Variants in MLLT3 observed in about 807,000 individuals in gnomAD.
The protein encoded by MLLT3 is MLLT3 super elongation complex subunit.
Under a neutral mutation model 53.2 loss-of-function variants are expected in MLLT3, and 4 were observed. The ratio of observed to expected loss-of-function variants is 0.08; its 90% CI spans 0.04 to 0.17. MLLT3 has a LOEUF of 0.17. MLLT3 is among the 10% of genes least tolerant of loss of function. The probability of loss-of-function intolerance (pLI) is 1.00; values close to 1 mark genes in which losing one functional copy is unlikely to be tolerated. For synonymous variants in MLLT3, 283 were observed against 230.6 expected (o/e 1.23, Z -2.06); for missense variants, 569 against 684.0 (o/e 0.83, Z 1.87).
intron 4 of MLLT3, among the ~76,000 whole-genome samples, chr9:20,445,990 T>C (rs1027365580): frequency 5.3e-5 from 8 of 152,348 alleles, no homozygotes; most frequent in African/African-American, 1.7e-4. Flanking sequence ...TAAAGCCAGG[T>C]ATCAATAATA....
intron 2 of MLLT3, among the ~76,000 whole-genome samples, chr9:20,547,015 G>C (rs1818805880): frequency 6.6e-6 from 1 of 152,200 alleles, no homozygotes; most frequent in Non-Finnish European, 1.5e-5. Flanking sequence ...CCCATGTCTT[G>C]TTTGCTGGCT....
rs10601830 is a variant in MLLT3 at position 20,615,360 on chromosome 9, G to GAAAAAAAAAAAAAAAAAAAAA, written c.193+5273_193+5293dup. On this transcript the variant is annotated intron_variant, in intron 2 of 10. Coordinates refer to ENST00000380338, the MANE Select transcript of MLLT3 (RefSeq NM_004529.4). ...CCTGGGTGACAGGGCCAGACCATGTGAAAAAAAAAAAAAAAAAAAAAAAAA... is the reference window on the plus strand; with the variant it reads ...CCTGGGTGACAGGGCCAGACCATGTGAAAAAAAAAAAAAAAAAAAAAAAAAAAAAAAAAAAAAAAAAAAAAA... Among the ~76,000 whole-genome samples the GAAAAAAAAAAAAAAAAAAAAA allele has an allele frequency of 6.2e-5, 3 of 48,774 alleles. 1 individual carries two copies. The highest frequency in any genetic ancestry group is 7.5e-5 in the Non-Finnish European group (2 of 26,626). The allele number at this position is 48,774 out of a possible 152,430, so 32.0% of individuals were successfully genotyped here. A position where few individuals can be genotyped will look rare whatever the true frequency, so the allele number is the denominator to read the frequency against.
At chr9:20,610,113 C>G (rs1043110406) in intron 2 of MLLT3, among the ~76,000 whole-genome samples, 45 of 152,244 alleles carry the variant, frequency 3.0e-4, no homozygotes, top group African/African-American at 1.1e-3. Flanking sequence ...TCAGTCCAAA[C>G]ACATCCTTTC....
chr9:20,422,614 G>A (rs1823038566), intron 4 of MLLT3, among the ~76,000 whole-genome samples: 1 of 152,184 alleles, frequency 6.6e-6, no homozygotes, highest in African/African-American at 2.4e-5. Context: ...CGTTCAAGGA[G>A]AGATTCGAGA....
Position 20,373,817 on chromosome 9 carries a change from T to G in MLLT3, c.1126-8073A>C, listed in dbSNP as rs1301664634. 2.0e-5 allele frequency among the ~76,000 whole-genome samples: 3 copies of G among 152,254 alleles called. No homozygotes were observed. In the East Asian group the frequency reaches 5.8e-4, roughly 29 times the overall value. Reference sequence around the variant, plus strand: ...TTCTTTCACAAATATCCAGAAAGACTGTGGATGAATACTAATGAAAGAAGA... The same window carrying G: ...TTCTTTCACAAATATCCAGAAAGACGGTGGATGAATACTAATGAAAGAAGA... On this transcript the variant is annotated intron_variant, in intron 5 of 10. Coordinates refer to ENST00000380338, the MANE Select transcript of MLLT3 (RefSeq NM_004529.4).
intron 5 of MLLT3, among the ~76,000 whole-genome samples, chr9:20,383,340 AATATTTTG>A (rs1821949520): frequency 6.6e-6 from 1 of 151,938 alleles, no homozygotes; most frequent in Non-Finnish European, 1.5e-5. Flanking sequence ...CTTAATGTCA[AATATTTTG>A]AAAAATCTAG....
chr9:20,439,615 A>C lies in MLLT3; in HGVS notation c.420+8508T>G, dbSNP rs185378439. The stretch of plus-strand genomic sequence containing the variant: ...AAGGGGAGTGGGGGGATGGCGGAGA[A>C]AGAAAGCAATAGAACACATTAATGG... On this transcript the variant is annotated intron_variant, in intron 4 of 10. Transcript: ENST00000380338. Among the ~76,000 whole-genome samples, 377 of 152,254 alleles carry C rather than the reference A, an allele frequency of 2.5e-3. 2 individuals are homozygous for C. The highest frequency in any genetic ancestry group is 8.7e-3 in the African/African-American group (362 of 41,562).
chr9:20,425,147 A>G (rs1329884921), intron 4 of MLLT3, among the ~76,000 whole-genome samples: 1 of 152,216 alleles, frequency 6.6e-6, no homozygotes, highest in Non-Finnish European at 1.5e-5. Flanking sequence ...GAGCCAACTA[A>G]TATAGTTCTA....
intron 5 of MLLT3, among the ~76,000 whole-genome samples, chr9:20,381,942 T>C (rs1821918842): frequency 6.6e-6 from 1 of 151,878 alleles, no homozygotes; most frequent in Admixed American, 6.6e-5. Context: ...AGAAATTATT[T>C]AATACGATAA....
chr9:20,402,882 T>C (rs1368129815), intron 5 of MLLT3, among the ~76,000 whole-genome samples: 1 of 152,168 alleles, frequency 6.6e-6, no homozygotes, highest in South Asian at 2.1e-4. Flanking sequence ...TCATTCAACA[T>C]AGGGGCACAG....
chr9:20,375,102 G>A (rs79850336), intron 5 of MLLT3, among the ~76,000 whole-genome samples: 4,447 of 152,246 alleles, frequency 0.029, 181 homozygotes, highest in African/African-American at 0.095. Context: ...TTAAAACTGC[G>A]AGAAATAAAT....
chr9:20,421,825 C>A (rs1054229482), intron 4 of MLLT3, among the ~76,000 whole-genome samples: 1 of 151,874 alleles, frequency 6.6e-6, no homozygotes, highest in African/African-American at 2.4e-5. Flanking sequence ...AAGAATCAAC[C>A]CATCAATTGG....
chr9:20,513,356 A>G (rs1177383333), intron 2 of MLLT3, among the ~76,000 whole-genome samples: 3 of 152,200 alleles, frequency 2.0e-5, no homozygotes, highest in African/African-American at 4.8e-5. Context: ...GACACAGAGG[A>G]GGAAATACAA....
rs765309383 is a variant in MLLT3 at position 20,620,624 on chromosome 9, T to A, written c.193+30A>T. 1.3e-5 allele frequency: 20 copies of A among 1,596,588 alleles called. No individual in the cohort carries two copies. Among genetic ancestry groups the A allele is most frequent in the Non-Finnish European group, 1.6e-5 (19 of 1,168,026 alleles). On this transcript the variant is annotated intron_variant, in intron 2 of 10. Transcript: ENST00000380338. This position sits in a 1 kb window ranked among gnomAD's most constrained non-coding sequence, Gnocchi z 6.1. ...AAGCGATTGTTTCAAAGACATTTTT[T>A]ATCAAGACCCTTTTGTATTCGAGCC...
At chr9:20,521,087 T>C (rs571577457) in intron 2 of MLLT3, among the ~76,000 whole-genome samples, 1 of 151,700 alleles carries the variant, frequency 6.6e-6, no homozygotes, top group African/African-American at 2.4e-5. Flanking sequence ...CTTTTTTTTT[T>C]AAAGGAGAGA....
intron 2 of MLLT3, among the ~76,000 whole-genome samples, chr9:20,521,079 T>C (rs1242594234): frequency 6.6e-6 from 1 of 150,578 alleles, no homozygotes; most frequent in African/African-American, 2.4e-5. Context: ...TGTTCTTTCT[T>C]TTTTTTTTAA....
intron 5 of MLLT3, among the ~76,000 whole-genome samples, chr9:20,369,412 A>G (rs925252869): frequency 6.6e-6 from 1 of 152,254 alleles, no homozygotes; most frequent in Non-Finnish European, 1.5e-5. Context: ...AAGCATGACT[A>G]TATATATCAT....
At chr9:20,613,306 TA>T (rs202193338) in intron 2 of MLLT3, among the ~76,000 whole-genome samples, 3 of 151,994 alleles carry the variant, frequency 2.0e-5, no homozygotes, top group South Asian at 2.1e-4. Flanking sequence ...ATCTCAATTG[TA>T]AAAAAAAGAT....
intron 5 of MLLT3, among the ~76,000 whole-genome samples, chr9:20,376,411 C>T (rs1821766651): frequency 1.3e-5 from 2 of 152,174 alleles, no homozygotes; most frequent in African/African-American, 4.8e-5. Context: ...GTTAGCAAAA[C>T]AGGAAACGTC....
Sources: allele counts gnomAD v4.1 joint callset (sites outside exome capture counted in the v4.1 genomes callset), GRCh38; gene constraint gnomAD v4.1.1; non-coding constraint Gnocchi (gnomAD v3.1); transcripts MANE v1.5; gene names NCBI Gene and HGNC (gene_info 2026-07-23, HGNC 2026-07-21).